FOXN3: variants seen among roughly 807,000 people sequenced by gnomAD.
FOXN3 encodes the protein forkhead box N3, also known as forkhead box protein N3.
A neutral mutation model predicts 38.4 loss-of-function variants in FOXN3; 7 were observed. The ratio of observed to expected loss-of-function variants is 0.18; its 90% CI spans 0.10 to 0.34. FOXN3 has a LOEUF of 0.34. FOXN3 is among the 10% of genes least tolerant of loss of function. FOXN3 has a pLI of 1.00. For synonymous variants in FOXN3, 230 were observed against 242.2 expected (o/e 0.95, Z 0.47); for missense variants, 456 against 613.4 (o/e 0.74, Z 2.71).
intron 1 of FOXN3, among the ~76,000 whole-genome samples, chr14:89,610,337 C>T (rs570229258): frequency 5.9e-5 from 9 of 152,316 alleles, no homozygotes; most frequent in African/African-American, 1.9e-4. Context: ...GGGATCAACA[C>T]GCCCTGAGAG....
At chr14:89,219,425 C>T (rs897592027) in intron 4 of FOXN3, among the ~76,000 whole-genome samples, 8 of 152,108 alleles carry the variant, frequency 5.3e-5, no homozygotes, top group South Asian at 2.1e-4. Flanking sequence ...AGTGTGAAAA[C>T]GGACTAATAA....
chr14:89,506,374 G>A (rs376798797), intron 1 of FOXN3, among the ~76,000 whole-genome samples: 2 of 141,914 alleles, frequency 1.4e-5, no homozygotes, highest in East Asian at 2.2e-4. Context: ...GGAGGTGAGG[G>A]GCGCCTCTGC....
chr14:89,238,730 G>C (rs1403325780), intron 4 of FOXN3, among the ~76,000 whole-genome samples: 2 of 152,114 alleles, frequency 1.3e-5, no homozygotes, highest in Admixed American at 6.5e-5. Context: ...CAAAATACTG[G>C]GTGCCTTTCA....
chr14:89,535,405 AG>A (rs1894665283), intron 1 of FOXN3, among the ~76,000 whole-genome samples: 1 of 152,224 alleles, frequency 6.6e-6, no homozygotes, highest in African/African-American at 2.4e-5. Context: ...ACACAGGTCA[AG>A]ACATGGAACA....
chr14:89,428,150 G>C (rs931684391), intron 1 of FOXN3, among the ~76,000 whole-genome samples: 1 of 152,138 alleles, frequency 6.6e-6, no homozygotes, highest in Non-Finnish European at 1.5e-5. Flanking sequence ...TAAGAGCTCT[G>C]AATTTGATGA....
chr14:89,512,382 G>A (rs531080037), intron 1 of FOXN3, among the ~76,000 whole-genome samples: 11 of 152,282 alleles, frequency 7.2e-5, no homozygotes, highest in East Asian at 1.9e-4. Flanking sequence ...ACAAGGAAGC[G>A]GTTAAATATA....
chr14:89,178,885 G>A (rs956764646), intron 5 of FOXN3, among the ~76,000 whole-genome samples: 1 of 152,202 alleles, frequency 6.6e-6, no homozygotes, highest in Non-Finnish European at 1.5e-5. Flanking sequence ...AGGATAAACT[G>A]TAAGTCTATA....
intron 3 of FOXN3, among the ~76,000 whole-genome samples, chr14:89,321,579 A>AAAAAT (rs1283649521): frequency 6.6e-6 from 1 of 152,184 alleles, no homozygotes; most frequent in African/African-American, 2.4e-5. Context: ...TCTGTCTCAA[A>AAAAAT]AAAATAAAAT....
chr14:89,278,246 CA>C (rs1886356962), intron 4 of FOXN3, among the ~76,000 whole-genome samples: 1 of 152,124 alleles, frequency 6.6e-6, no homozygotes, highest in Non-Finnish European at 1.5e-5. Context: ...GAAAGCCAAG[CA>C]AAAGGGAAAC....
intron 3 of FOXN3, among the ~76,000 whole-genome samples, chr14:89,303,788 T>G (rs1887293304): frequency 6.6e-6 from 1 of 152,244 alleles, no homozygotes; most frequent in Admixed American, 6.5e-5. Context: ...ATACATCGCC[T>G]TCTTCTCAGA....
intron 2 of FOXN3, among the ~76,000 whole-genome samples, chr14:89,388,364 C>T (rs1890848865): frequency 6.6e-6 from 1 of 152,202 alleles, no homozygotes; most frequent in Non-Finnish European, 1.5e-5. Flanking sequence ...GCTGCACCTG[C>T]AACTCAGGGA....
intron 1 of FOXN3, among the ~76,000 whole-genome samples, chr14:89,547,831 G>A (rs1894916098): frequency 2.0e-5 from 3 of 152,162 alleles, no homozygotes; most frequent in African/African-American, 7.2e-5. Context: ...TTTAAATAAT[G>A]CCTAACTGAA....
chr14:89,171,333 T>C (rs1887382713), intron 5 of FOXN3, among the ~76,000 whole-genome samples: 1 of 152,170 alleles, frequency 6.6e-6, no homozygotes, highest in South Asian at 2.1e-4. Flanking sequence ...GCCAGACTAT[T>C]TTGCAAGCAA....
chr14:89,344,982 T>G (rs974823708), intron 3 of FOXN3, among the ~76,000 whole-genome samples: 5 of 152,130 alleles, frequency 3.3e-5, no homozygotes, highest in Non-Finnish European at 1.5e-5. Flanking sequence ...CTCCTTCCAC[T>G]TTCCAGATCT....
chr14:89,277,706 A>G (rs1238084479), intron 4 of FOXN3, among the ~76,000 whole-genome samples: 3 of 152,232 alleles, frequency 2.0e-5, no homozygotes, highest in Non-Finnish European at 2.9e-5. Context: ...ACTCTAAACC[A>G]AACAACGATT....
rs186499098 is a variant in FOXN3, at chr14:89,539,859, A to G, written c.-15+79169T>C. Among the ~76,000 whole-genome samples the G allele has an allele frequency of 1.1e-4, 17 of 152,312 alleles. No homozygotes were observed. The East Asian group carries it at 3.3e-3, about 29-fold the overall frequency. The stretch of plus-strand genomic sequence containing the variant: ...TAAAACAAAAATATATTCAACTTCA[A>G]TGTGCTTGAAAAACTAGACATAGGC... On this transcript the variant is annotated intron_variant, in intron 1 of 6. Coordinates refer to the FOXN3 transcript ENST00000345097.
chr14:89,214,478 A>G (rs1884200110), intron 4 of FOXN3, among the ~76,000 whole-genome samples: 1 of 152,220 alleles, frequency 6.6e-6, no homozygotes, highest in Non-Finnish European at 1.5e-5. Context: ...CCTGGGCTCC[A>G]TGCCACTCAC....
chr14:89,299,205 A>C (rs566967645), intron 3 of FOXN3, among the ~76,000 whole-genome samples: 1 of 152,210 alleles, frequency 6.6e-6, no homozygotes, highest in Non-Finnish European at 1.5e-5. Context: ...CCAAGTGTCA[A>C]GGGTGGGGCC....
rs1888605357 is a variant in FOXN3, at chr14:89,341,191, T to A, written c.680+9481A>T. Among the ~76,000 whole-genome samples the A allele has an allele frequency of 2.0e-5, 3 of 152,160 alleles. 1 individual carries two copies. The highest frequency in any genetic ancestry group is 4.1e-4 in the South Asian group (2 of 4,830). On this transcript the variant is annotated intron_variant, in intron 3 of 5. Transcript: ENST00000557258. ...CTGGGGGTAGCTCATTCTACCTTCA[T>A]CCCCTTCATCTGTCCACCCACCCAA...
Sources: gnomAD v4.1 joint callset for allele counts (sites outside exome capture counted in the v4.1 genomes callset) on GRCh38, gnomAD v4.1.1 for gene constraint, MANE v1.5 for transcripts, NCBI Gene and HGNC (gene_info 2026-07-23, HGNC 2026-07-21) for gene names.